The following BIN2 variants were observed in gnomAD, a reference collection of about 807,000 sequenced individuals.
The protein encoded by BIN2 is breast cancer associated protein BRAP1.
Under a neutral mutation model 67.9 loss-of-function variants are expected in BIN2, and 43 were observed. That is an observed-to-expected ratio of 0.63 (90% CI 0.50 to 0.82). The LOEUF (loss-of-function observed/expected upper bound fraction) is 0.82, where lower values mean the gene tolerates loss of function less well. BIN2 is among the 40% of genes least tolerant of loss of function. BIN2 has a pLI of 0.00. For missense variants in BIN2, 581 were observed against 671.6 expected, an observed-to-expected ratio of 0.87 and a Z score of 1.49; for synonymous variants, 244 against 246.8, an observed-to-expected ratio of 0.99 and a Z score of 0.11.
chr12:51,285,643 A>G (rs1210844267), intron 11 of BIN2, among the ~76,000 whole-genome samples: 2 of 114,644 alleles, frequency 1.7e-5, no homozygotes, highest in African/African-American at 6.6e-5. Flanking sequence ...TTTTTTTTTG[A>G]GAAGGAATCT....
Position 51,324,148 on chromosome 12 carries a change from G to C in BIN2, c.-46C>G. On this transcript the variant is annotated 5_prime_UTR_variant, in exon 1 of 13. Transcript: ENST00000615107. ...CGCCGCCCTGGCCCCGCGCCCTGTG[G>C]TTTTCTGAGGCCCCCGAGGAGGAAG... 1 of 1,606,374 alleles carries C rather than the reference G, an allele frequency of 6.2e-7. No homozygotes were observed. Among genetic ancestry groups the C allele is most frequent in the Non-Finnish European group, 8.5e-7 (1 of 1,176,688 alleles).
intron 2 of BIN2, among the ~76,000 whole-genome samples, chr12:51,305,721 C>T (rs1945849197): frequency 6.7e-6 from 1 of 150,036 alleles, no homozygotes. Context: ...TCACTATTTA[C>T]TTAATTTTAG....
chr12:51,296,177 T>C (rs528021369), intron 8 of BIN2, among the ~76,000 whole-genome samples: 53 of 152,156 alleles, frequency 3.5e-4, no homozygotes, highest in African/African-American at 1.2e-3. Context: ...ATCCAGGGAA[T>C]GAAAACTCAT....
Position 51,281,477 on chromosome 12 carries a change from G to T in BIN2, c.*22C>A, listed in dbSNP as rs1462711892. ...GCTTCTCTGGCGAGGTTTGGGGCAG[G>T]AGGAGTCTTGGTAGTTTCTCTTCAG... is the stretch of plus-strand genomic sequence containing the variant. On this transcript the variant is annotated 3_prime_UTR_variant, in exon 13 of 13. Transcript: ENST00000615107. 1.2e-6 allele frequency: 2 copies of T among 1,612,700 alleles called. No homozygotes were observed. The highest frequency in any genetic ancestry group is 1.7e-6 in the Non-Finnish European group (2 of 1,178,716).
intron 1 of BIN2, among the ~76,000 whole-genome samples, chr12:51,315,631 A>G (rs1946108275): frequency 6.6e-6 from 1 of 152,222 alleles, no homozygotes; most frequent in Non-Finnish European, 1.5e-5. Flanking sequence ...CTATAGCCAT[A>G]GGTTCCTCTA....
intron 2 of BIN2, among the ~76,000 whole-genome samples, chr12:51,306,003 A>G (rs558992948): frequency 9.3e-5 from 14 of 151,262 alleles, no homozygotes; most frequent in African/African-American, 3.2e-4. Flanking sequence ...CGCCTGGCTA[A>G]TTTTTTGTAT....
upstream of BIN2, chr12:51,324,628 G>A (rs1303898140): frequency 1.6e-6 from 2 of 1,227,072 alleles, no homozygotes; most frequent in Non-Finnish European, 2.2e-6. Flanking sequence ...AGTGCAGAAA[G>A]CAGGCAGGAC....
At chr12:51,301,696 G>T (rs555309929) in intron 5 of BIN2, among the ~76,000 whole-genome samples, 5 of 151,790 alleles carry the variant, frequency 3.3e-5, no homozygotes, top group Non-Finnish European at 7.4e-5. Context: ...TTTTTGTAGA[G>T]ATGGGATTTT....
chr12:51,284,829 T>C, intron 11 of BIN2, 42 bp from the exon 12 acceptor site: 4 of 1,417,868 alleles, frequency 2.8e-6, no homozygotes, highest in Non-Finnish European at 4.0e-6. Flanking sequence ...TGGCTCAACC[T>C]TTCCAGCCTC....
chr12:51,312,068 G>A (rs935033902), intron 2 of BIN2, among the ~76,000 whole-genome samples: 6 of 152,170 alleles, frequency 3.9e-5, no homozygotes, highest in South Asian at 4.1e-4. Flanking sequence ...CACTGCACCC[G>A]GCCTGATAAT....
intron 2 of BIN2, among the ~76,000 whole-genome samples, chr12:51,313,583 C>T (rs187556883): frequency 4.7e-4 from 72 of 152,058 alleles, no homozygotes; most frequent in Non-Finnish European, 2.1e-4. Context: ...TCAGGTGATC[C>T]GCCCGCCTCG....
intron 1 of BIN2, among the ~76,000 whole-genome samples, chr12:51,319,738 G>C (rs945141946): frequency 2.6e-5 from 4 of 152,146 alleles, no homozygotes; most frequent in African/African-American, 9.7e-5. Context: ...CTGTAGATCA[G>C]GGTTGGGGTG....
chr12:51,308,465 G>A (rs1945923142), intron 2 of BIN2, among the ~76,000 whole-genome samples: 1 of 152,152 alleles, frequency 6.6e-6, no homozygotes, highest in South Asian at 2.1e-4. Context: ...GCAGTCAGGA[G>A]GACAGAGCTA....
rs1188021440 is a variant in BIN2, at chr12:51,292,140, C to T, written c.966G>A (p.Glu322=). 1 of 1,614,110 alleles carries T rather than the reference C, an allele frequency of 6.2e-7. No individual in the cohort carries two copies. The highest frequency in any genetic ancestry group is 2.2e-5 in the East Asian group (1 of 44,868). The part of the protein sequence containing the change: ...IKELLEEEEI[E]KEGSEASSSE... ...AGGAGCTTGCTTCAGATCCTTCCTTCTCTATTTCCTCCTCTTCTAAGAGCT... is the reference window on the plus strand; with the variant it reads ...AGGAGCTTGCTTCAGATCCTTCCTTTTCTATTTCCTCCTCTTCTAAGAGCT... Residue 322 remains glutamate, a synonymous_variant, in exon 10 of 13, where the codon GAG becomes GAA. Coordinates refer to ENST00000615107, the MANE Select transcript of BIN2 (RefSeq NM_016293.4).
intron 10 of BIN2, among the ~76,000 whole-genome samples, chr12:51,290,719 G>T (rs967591634): frequency 6.6e-6 from 1 of 151,562 alleles, no homozygotes; most frequent in Non-Finnish European, 1.5e-5. Flanking sequence ...AGATCACAAG[G>T]TCAGGAGATC....
rs774116771 is a variant in BIN2, at chr12:51,281,522, T to C, written c.1675A>G (p.Thr559Ala). 3 of 1,614,128 alleles carry C rather than the reference T, an allele frequency of 1.9e-6. No individual in the cohort carries two copies. The highest frequency in any genetic ancestry group is 4.5e-5 in the East Asian group (2 of 44,876). The change falls in exon 13 of 13, where the codon ACA becomes GCA. Residue 559 changes from threonine (T) to alanine (A), a missense_variant. Physicochemically the swap from Thr to Ala is moderately conservative, Grantham distance 58. Coordinates refer to ENST00000615107, the MANE Select transcript of BIN2 (RefSeq NM_016293.4). ...CTTCAGAGTTGTGGATTTTCACTTG[T>C]GGATACCTGGAAAGTAAACATGATT... ...TAPEPQEEVS[T>A]SENPQL
In BIN2 at chr12:51,281,329, C is replaced by G; in HGVS notation, c.*170G>C. On this transcript the variant is annotated 3_prime_UTR_variant, in exon 13 of 13. Transcript: ENST00000615107. ...CCAGCCTGCCTCCCTCCATCCCTCCCGTAAGGCTGCTCCTCCGCCTCCATT... is the reference window on the plus strand; with the variant it reads ...CCAGCCTGCCTCCCTCCATCCCTCCGGTAAGGCTGCTCCTCCGCCTCCATT... 1.5e-6 allele frequency: 1 copy of G among 668,246 alleles called. No individual in the cohort carries two copies. The highest frequency in any genetic ancestry group is 2.7e-6 in the Non-Finnish European group (1 of 373,974). 41.4% of individuals were successfully genotyped at this position (668,246 alleles called of 1,614,324 possible).
intron 5 of BIN2, 70 bp downstream of exon 5, chr12:51,301,950 C>CTTAA: frequency 9.2e-7 from 1 of 1,087,540 alleles, no homozygotes; most frequent in Middle Eastern, 2.0e-4. Flanking sequence ...ACTTATAATG[C>CTTAA]TTAACCCAAT....
chr12:51,285,592 C>T (rs1945215328), intron 11 of BIN2, among the ~76,000 whole-genome samples: 1 of 151,402 alleles, frequency 6.6e-6, no homozygotes, highest in Non-Finnish European at 1.5e-5. Flanking sequence ...ATTTTAAAAA[C>T]AGAACCAATT....
Sources: gnomAD v4.1 joint callset for allele counts (sites outside exome capture counted in the v4.1 genomes callset) on GRCh38, gnomAD v4.1.1 for gene constraint, MANE v1.5 for transcripts, NCBI Gene and HGNC (gene_info 2026-07-23, HGNC 2026-07-21) for gene names.